The following CRCP variants were observed in gnomAD, a reference collection of about 807,000 sequenced individuals.
CRCP encodes the protein CGRP receptor component, also known as DNA-directed RNA polymerase III subunit RPC9.
A neutral mutation model predicts 18.5 loss-of-function variants in CRCP; 18 were observed. The ratio of observed to expected loss-of-function variants is 0.97; its 90% CI spans 0.67 to 1.44. The LOEUF (loss-of-function observed/expected upper bound fraction) is 1.44. Among genes scored for constraint, CRCP ranks in the 40% most tolerant of loss-of-function variants. CRCP has a pLI of 0.00. For synonymous variants in CRCP, 53 were observed against 62.9 expected, an observed-to-expected ratio of 0.84 and a Z score of 0.75; for missense variants, 130 against 176.4, an observed-to-expected ratio of 0.74 and a Z score of 1.49.
chr7:66,154,152 G>A lies in CRCP; in HGVS notation c.*1795G>A, dbSNP rs1043945176. ...TTGATTTATTTCTCAGGGCATACAT[G>A]TGCCAATCTGTCTCATTGTTGTCTC... On this transcript the variant is annotated 3_prime_UTR_variant, in exon 6 of 6. Coordinates refer to ENST00000395326, the MANE Select transcript of CRCP (RefSeq NM_014478.5). The A allele has an allele frequency of 6.7e-6, 1 of 149,902 alleles. No homozygotes were observed. The highest frequency in any genetic ancestry group is 2.4e-5 in the African/African-American group (1 of 40,830). 9.3% of individuals were successfully genotyped at this position (149,902 alleles called of 1,614,324 possible).
chr7:66,131,511 T>C (rs1787803053), intron 3 of CRCP, among the ~76,000 whole-genome samples: 1 of 152,174 alleles, frequency 6.6e-6, no homozygotes, highest in African/African-American at 2.4e-5. Context: ...TTTTTTGTTG[T>C]TGTTGTCCAG....
chr7:66,115,049 T>C, intron 1 of CRCP, 79 bp downstream of exon 1: 1 of 1,560,666 alleles, frequency 6.4e-7, no homozygotes, highest in South Asian at 1.2e-5. Context: ...CCGAGAGCCG[T>C]GGGGACTGGG....
intron 1 of CRCP, among the ~76,000 whole-genome samples, chr7:66,122,402 G>C (rs948074039): frequency 6.8e-6 from 1 of 146,664 alleles, no homozygotes; most frequent in Non-Finnish European, 1.5e-5. Flanking sequence ...AAAAGGCACT[G>C]TTTGCATGTG....
chr7:66,125,163 C>T lies in CRCP; in HGVS notation c.9-2541C>T, dbSNP rs1787582996. 1.3e-5 allele frequency among the ~76,000 whole-genome samples: 2 copies of T among 149,208 alleles called. 1 individual carries two copies. Among genetic ancestry groups the T allele is most frequent in the South Asian group, 4.3e-4 (2 of 4,674 alleles). ...TTAAACATCTTGGGGCTGGATTGCT[C>T]TGAGGGATGTGTCTTTCTCATGCGT... is the stretch of plus-strand genomic sequence containing the variant. On this transcript the variant is annotated intron_variant, in intron 1 of 5. Transcript: ENST00000395326.
chr7:66,146,446 TAA>T (rs34812276), intron 5 of CRCP, among the ~76,000 whole-genome samples: 1 of 144,872 alleles, frequency 6.9e-6, no homozygotes, highest in African/African-American at 2.5e-5. Context: ...ATTGCCAGTT[TAA>T]AAAAAAAAAA....
rs1788547407 is a variant in CRCP, at chr7:66,154,179, C to G, written c.*1822C>G. ...GCCAATCTGTCTCATTGTTGTCTCT[C>G]TCTTTTTTTTTTTTTTTTTTGAGAC... On this transcript the variant is annotated 3_prime_UTR_variant, in exon 6 of 6. Transcript: ENST00000395326. 1 of 129,960 alleles carries G rather than the reference C, an allele frequency of 7.7e-6. No homozygotes were observed. The highest frequency in any genetic ancestry group is 3.0e-5 in the African/African-American group (1 of 33,318). 8.1% of individuals were successfully genotyped at this position (129,960 alleles called of 1,614,324 possible).
At chr7:66,144,471 A>G (rs536592637) in intron 4 of CRCP, among the ~76,000 whole-genome samples, 23 of 152,166 alleles carry the variant, frequency 1.5e-4, no homozygotes, top group Non-Finnish European at 2.8e-4. Flanking sequence ...AGAGATGACC[A>G]CACAAGATGA....
At chr7:66,140,593 T>C (rs939013590) in intron 4 of CRCP, among the ~76,000 whole-genome samples, 5 of 152,112 alleles carry the variant, frequency 3.3e-5, no homozygotes, top group Non-Finnish European at 5.9e-5. Context: ...GGTTTCTCCA[T>C]GTTGGCCAGG....
At chr7:66,120,039 G>C (rs1184378280) in intron 1 of CRCP, among the ~76,000 whole-genome samples, 1 of 151,966 alleles carries the variant, frequency 6.6e-6, no homozygotes, top group Non-Finnish European at 1.5e-5. Flanking sequence ...AAAATTAGCT[G>C]GGCGCTGTGG....
At position 66,114,863 on chromosome 7, in the gene CRCP, C is replaced by T. The variant is rs1187376137; in HGVS notation, c.-100C>T. 1.3e-6 allele frequency: 2 copies of T among 1,599,938 alleles called. No individual in the cohort carries two copies. The highest frequency in any genetic ancestry group is 2.3e-5 in the East Asian group (1 of 44,402). Reference sequence around the variant, plus strand: ...GGCGATCCCGGCGAGCACCTTGGCGCGCGGAGCTGGCACCTTGGCGCTGTT... The same window carrying T: ...GGCGATCCCGGCGAGCACCTTGGCGTGCGGAGCTGGCACCTTGGCGCTGTT... On this transcript the variant is annotated 5_prime_UTR_variant, in exon 1 of 6. Transcript: ENST00000395326.
At position 66,153,585 on chromosome 7, in the gene CRCP, C is replaced by T. The variant is rs1209707285; in HGVS notation, c.*1228C>T. On this transcript the variant is annotated 3_prime_UTR_variant, in exon 6 of 6. Coordinates refer to ENST00000395326, the MANE Select transcript of CRCP (RefSeq NM_014478.5). ...TCGGATTTTCCACATTCACTTTCTT[C>T]CCTGTTTTAGGGAAGAAAATGATCA... is the stretch of plus-strand genomic sequence containing the variant. The T allele has an allele frequency of 2.0e-5, 3 of 152,216 alleles. No homozygotes were observed. The highest frequency in any genetic ancestry group is 7.2e-5 in the African/African-American group (3 of 41,520). The allele number at this position is 152,216 out of a possible 1,614,324, so 9.4% of individuals were successfully genotyped here.
In CRCP at chr7:66,128,167, T is replaced by A. The variant is rs77583687; in HGVS notation, c.45+427T>A. On this transcript the variant is annotated intron_variant, in intron 2 of 5. Coordinates refer to ENST00000395326, the MANE Select transcript of CRCP (RefSeq NM_014478.5). ...AAAAAGAAAAAAGAAATGACTGAAT[T>A]TATTTGGATTTTCCACTTTAAAATA... Among the ~76,000 whole-genome samples, 538 of 151,782 alleles carry A rather than the reference T, an allele frequency of 3.5e-3. 5 individuals are homozygous for A. Among genetic ancestry groups the A allele is most frequent in the African/African-American group, 0.012 (516 of 41,436 alleles).
chr7:66,131,884 C>T (rs1787817112), intron 3 of CRCP, among the ~76,000 whole-genome samples: 2 of 151,882 alleles, frequency 1.3e-5, no homozygotes, highest in African/African-American at 4.8e-5. Flanking sequence ...GCCTCAGCCT[C>T]CCGAGTAGCT....
At chr7:66,132,885 T>C (rs1293736634) in intron 3 of CRCP, among the ~76,000 whole-genome samples, 8 of 151,918 alleles carry the variant, frequency 5.3e-5, no homozygotes, top group African/African-American at 1.4e-4. Flanking sequence ...CACTCCAGCC[T>C]GGGCGACAGA....
chr7:66,121,037 A>C (rs57748130), intron 1 of CRCP, among the ~76,000 whole-genome samples: 15 of 5,104 alleles, frequency 2.9e-3, no homozygotes, highest in African/African-American at 0.015. Context: ...ACTAATACAT[A>C]ATAATAATAA....
chr7:66,118,506 T>C (rs1336391899), intron 1 of CRCP, among the ~76,000 whole-genome samples: 1 of 152,216 alleles, frequency 6.6e-6, no homozygotes, highest in Non-Finnish European at 1.5e-5. Flanking sequence ...CAAATACTTG[T>C]TCAATAAAGT....
chr7:66,135,299 C>T (rs1000259510), intron 4 of CRCP, among the ~76,000 whole-genome samples: 2 of 152,086 alleles, frequency 1.3e-5, no homozygotes, highest in African/African-American at 2.4e-5. Context: ...TCTAGGCTAA[C>T]CAAAGTAATT....
chr7:66,149,160 T>C (rs1788383745), intron 5 of CRCP, among the ~76,000 whole-genome samples: 2 of 152,226 alleles, frequency 1.3e-5, no homozygotes, highest in Non-Finnish European at 2.9e-5. Context: ...AAATGGTTGG[T>C]ATCTGAGAAC....
chr7:66,115,119 G>A (rs1185141340), intron 1 of CRCP, 149 bp downstream of exon 1: 3 of 1,169,360 alleles, frequency 2.6e-6, no homozygotes. Context: ...CCGCGGGGTG[G>A]TGACGGGGAC....
Sources: gnomAD v4.1 joint callset for allele counts (sites outside exome capture counted in the v4.1 genomes callset) on GRCh38, gnomAD v4.1.1 for gene constraint, MANE v1.5 for transcripts, NCBI Gene and HGNC (gene_info 2026-07-23, HGNC 2026-07-21) for gene names.